CD276: variants seen among roughly 807,000 people sequenced by gnomAD.
The protein encoded by CD276 is CD276 molecule, also known as CD276 antigen.
Under a neutral mutation model 50.0 loss-of-function variants are expected in CD276, and 34 were observed. That is an observed-to-expected ratio of 0.68 (90% CI 0.52 to 0.91). The LOEUF is 0.91. CD276 is among the 40% of genes least tolerant of loss of function. The probability of loss-of-function intolerance (pLI) is 0.00; values close to 1 mark genes in which losing one functional copy is unlikely to be tolerated. For missense variants in CD276, 634 were observed against 717.5 expected (o/e 0.88, Z 1.33); for synonymous variants, 275 against 313.0 (o/e 0.88, Z 1.28).
At chr15:73,699,157 A>C (rs1900281134) in intron 1 of CD276, among the ~76,000 whole-genome samples, 1 of 152,104 alleles carries the variant, frequency 6.6e-6, no homozygotes, top group Admixed American at 6.5e-5. Flanking sequence ...AGTGGCTCTC[A>C]ACTGCCTTTA....
In CD276 at chr15:73,713,000, C is replaced by T. The variant is rs1214517215; in HGVS notation, c.*44C>T. ...TGCTACCCCTCCCTACAGCTCCTAC[C>T]CTCTGGCTGCAATGGGGCTGCACTG... is the stretch of plus-strand genomic sequence containing the variant. On this transcript the variant is annotated 3_prime_UTR_variant, in exon 10 of 10. Transcript: ENST00000318443. The T allele has an allele frequency of 3.8e-6, 6 of 1,595,958 alleles. No homozygotes were observed. The highest frequency in any genetic ancestry group is 5.2e-6 in the Non-Finnish European group (6 of 1,164,606).
intron 9 of CD276, among the ~76,000 whole-genome samples, chr15:73,712,680 G>A (rs1900952855): frequency 6.6e-6 from 1 of 152,124 alleles, no homozygotes; most frequent in African/African-American, 2.4e-5. Flanking sequence ...CGGGCTGTGG[G>A]CCTGTGGGTA....
intron 8 of CD276, among the ~76,000 whole-genome samples, chr15:73,710,744 G>A (rs894138380): frequency 6.6e-6 from 1 of 152,192 alleles, no homozygotes; most frequent in Non-Finnish European, 1.5e-5. Context: ...GAGTGTGGGT[G>A]ATGGAGTTGG....
chr15:73,712,784 CG>C (rs987650857), intron 9 of CD276, 149 bp from the exon 10 acceptor site: 1 of 797,646 alleles, frequency 1.3e-6, no homozygotes, highest in African/African-American at 1.7e-5. Flanking sequence ...GTGGTCAGCA[CG>C]GGGGCTGTCC....
At chr15:73,709,917 T>A (rs1018127144) in intron 8 of CD276, among the ~76,000 whole-genome samples, 1 of 152,178 alleles carries the variant, frequency 6.6e-6, no homozygotes, top group Non-Finnish European at 1.5e-5. Context: ...CTGCCAACCT[T>A]TACCCATCTG....
intron 1 of CD276, among the ~76,000 whole-genome samples, chr15:73,694,427 G>A (rs868259732): frequency 2.0e-5 from 3 of 152,002 alleles, no homozygotes; most frequent in Non-Finnish European, 2.9e-5. Flanking sequence ...ACGGAGACGG[G>A]GAAGAGAAGG....
intron 1 of CD276, chr15:73,697,752 A>T (rs1900231370): frequency 6.6e-6 from 1 of 151,994 alleles, no homozygotes; most frequent in Non-Finnish European, 1.5e-5. Context: ...TATTTTTAGT[A>T]GACACAGGGT....
intron 1 of CD276, among the ~76,000 whole-genome samples, chr15:73,689,235 T>C (rs1175084281): frequency 1.3e-5 from 2 of 150,050 alleles, no homozygotes; most frequent in Non-Finnish European, 3.0e-5. Context: ...TGTGTACACA[T>C]TTCCACATGC....
chr15:73,712,885 A>T (rs781386630), intron 9 of CD276, 49 bp from the exon 10 acceptor site: 2 of 1,595,860 alleles, frequency 1.3e-6, no homozygotes, highest in Admixed American at 3.4e-5. Context: ...ATCTTCTGGC[A>T]TCTAATGCTT....
chr15:73,708,610 T>C (rs1206261462), intron 7 of CD276, 137 bp downstream of exon 7: 6 of 1,029,232 alleles, frequency 5.8e-6, no homozygotes, highest in African/African-American at 4.7e-5. Flanking sequence ...TGGATTTGTC[T>C]GTGTGTGACC....
At position 73,713,830 on chromosome 15, in the gene CD276, G is replaced by A. The variant is rs572883271; in HGVS notation, c.*874G>A. The A allele has an allele frequency of 2.2e-6, 1 of 444,732 alleles. No homozygotes were observed. The highest frequency in any genetic ancestry group is 7.6e-5 in the East Asian group (1 of 13,224). The allele number at this position is 444,732 out of a possible 1,614,324, so 27.5% of individuals were successfully genotyped here. On this transcript the variant is annotated 3_prime_UTR_variant, in exon 10 of 10. Transcript: ENST00000318443. ...CACCTCTTTGTTCCTTTCTTTTCAT[G>A]TATCCATTCAGTTGATGTTTATTGA...
chr15:73,690,446 C>T (rs1486340359), intron 1 of CD276, among the ~76,000 whole-genome samples: 1 of 152,138 alleles, frequency 6.6e-6, no homozygotes, highest in African/African-American at 2.4e-5. Flanking sequence ...AATACCACAG[C>T]CTGGGTAATA....
rs76669181 is a variant in CD276 at position 73,691,440 on chromosome 15, A to G, written c.-55+6980A>G. 1.9e-3 allele frequency among the ~76,000 whole-genome samples: 286 copies of G among 152,290 alleles called. 9 individuals are homozygous for G. The East Asian group carries it at 0.051, about 27-fold the overall frequency. ...GACCGTATCCTTCTTAGTAATCTCA[A>G]CAAGAAAGAGTCTTTTTTGATGGCT... On this transcript the variant is annotated intron_variant, in intron 1 of 9. Transcript: ENST00000318443.
intron 1 of CD276, among the ~76,000 whole-genome samples, chr15:73,688,896 CT>C (rs143675385): frequency 0.022 from 3,302 of 152,244 alleles, 136 homozygotes; most frequent in African/African-American, 0.076. Flanking sequence ...CAGATCACAT[CT>C]GGAGAAAATG....
chr15:73,703,390 G>T (rs1900496902), intron 4 of CD276, among the ~76,000 whole-genome samples: 1 of 152,132 alleles, frequency 6.6e-6, no homozygotes, highest in South Asian at 2.1e-4. Context: ...ATTCACCAGG[G>T]CTGGAGCTGG....
At chr15:73,692,490 A>T (rs1378758470) in intron 1 of CD276, among the ~76,000 whole-genome samples, 1 of 152,244 alleles carries the variant, frequency 6.6e-6, no homozygotes, top group Non-Finnish European at 1.5e-5. Flanking sequence ...TACCTACTTC[A>T]CAGAATTGTT....
intron 4 of CD276, 88 bp downstream of exon 4, chr15:73,703,174 A>G (rs1900486872): frequency 2.1e-6 from 3 of 1,429,194 alleles, no homozygotes; most frequent in Non-Finnish European, 2.8e-6. Flanking sequence ...CCCACCTTCA[A>G]TCTCCCAGAA....
Position 73,704,518 on chromosome 15 carries a change from C to G in CD276, c.1369+46C>G. On this transcript the variant is annotated intron_variant, in intron 6 of 9. Coordinates refer to ENST00000318443, the MANE Select transcript of CD276 (RefSeq NM_001024736.2). The surrounding 1 kb of genome is among the most constrained non-coding windows in gnomAD (Gnocchi z 4.1). ...GGGGAAGGACGGAGCGAGTAACTCCCTCTTTACTGGACCCTAACGTGGAAT... is the reference window on the plus strand; with the variant it reads ...GGGGAAGGACGGAGCGAGTAACTCCGTCTTTACTGGACCCTAACGTGGAAT... The G allele has an allele frequency of 2.5e-6, 4 of 1,570,980 alleles. No individual in the cohort carries two copies. Among genetic ancestry groups the G allele is most frequent in the African/African-American group, 1.3e-5 (1 of 74,230 alleles).
At chr15:73,684,597 C>G (rs1177250719) in intron 1 of CD276, 137 bp downstream of exon 1, 1 of 152,218 alleles carries the variant, frequency 6.6e-6, no homozygotes, top group East Asian at 1.9e-4. Flanking sequence ...CCTCCGGGCT[C>G]CTGCTCCCCT....
Sources: allele counts gnomAD v4.1 joint callset (sites outside exome capture counted in the v4.1 genomes callset), GRCh38; gene constraint gnomAD v4.1.1; non-coding constraint Gnocchi (gnomAD v3.1); transcripts MANE v1.5; gene names NCBI Gene and HGNC (gene_info 2026-07-23, HGNC 2026-07-21).